Variants in DVL3 observed in about 807,000 individuals in gnomAD.
The protein encoded by DVL3 is dishevelled segment polarity protein 3, also known as segment polarity protein dishevelled homolog DVL-3.
Under a neutral mutation model 67.4 loss-of-function variants are expected in DVL3, and 27 were observed. The ratio of observed to expected loss-of-function variants is 0.40; its 90% CI spans 0.30 to 0.55. The LOEUF (loss-of-function observed/expected upper bound fraction) is 0.55. DVL3 is among the 20% of genes least tolerant of loss of function. The pLI is 0.46. For synonymous variants in DVL3, 369 were observed against 396.8 expected, an observed-to-expected ratio of 0.93 and a Z score of 0.83; for missense variants, 819 against 1,021.5, an observed-to-expected ratio of 0.80 and a Z score of 2.70.
Position 184,164,526 on chromosome 3 carries a change from G to A in DVL3, c.388G>A (p.Asp130Asn), listed in dbSNP as rs768776179. 1 of 1,591,080 alleles carries A rather than the reference G, an allele frequency of 6.3e-7. No individual in the cohort carries two copies. Among genetic ancestry groups the A allele is most frequent in the Non-Finnish European group, 8.6e-7 (1 of 1,169,160 alleles). ...TGGTGGGGGCAGCCAGGAGAACCTGGACAATGACACAGAGACGGACTCTTT... is the reference window on the plus strand; with the variant it reads ...TGGTGGGGGCAGCCAGGAGAACCTGAACAATGACACAGAGACGGACTCTTT... The part of the protein sequence containing the change: ...HAGGGSQENL[D>N]NDTETDSLVS... Residue 130 changes from aspartate (D) to asparagine (N), a missense_variant, in exon 4 of 15, where the codon GAC (aspartate) becomes AAC (asparagine). Asp to Asn is a conservative substitution (Grantham distance 23). This residue lies in a region of DVL3 where 385 missense variants were observed against 486.8 expected (regional missense o/e 0.79). Coordinates refer to ENST00000313143, the MANE Select transcript of DVL3 (RefSeq NM_004423.4). This position sits in a 1 kb window ranked among gnomAD's most constrained non-coding sequence, Gnocchi z 5.3.
In DVL3 at chr3:184,170,247, G is replaced by A. The variant is rs767710596; in HGVS notation, c.1714+26G>A. On this transcript the variant is annotated intron_variant, in intron 14 of 14. Coordinates refer to ENST00000313143, the MANE Select transcript of DVL3 (RefSeq NM_004423.4). The surrounding 1 kb of genome is among the most constrained non-coding windows in gnomAD (Gnocchi z 6.5). Reference sequence around the variant, plus strand: ...GTAAGGTAGAGGGGCCGTGGAGGAAGGCTATAGGTGGGCCCCAGGCTTCCC... The same window carrying A: ...GTAAGGTAGAGGGGCCGTGGAGGAAAGCTATAGGTGGGCCCCAGGCTTCCC... 1 of 1,609,198 alleles carries A rather than the reference G, an allele frequency of 6.2e-7. No homozygotes were observed. Among genetic ancestry groups the A allele is most frequent in the Non-Finnish European group, 8.5e-7 (1 of 1,177,770 alleles).
At chr3:184,158,589 G>C (rs1714276221) in intron 1 of DVL3, among the ~76,000 whole-genome samples, 2 of 152,044 alleles carry the variant, frequency 1.3e-5, no homozygotes, top group African/African-American at 2.4e-5. Flanking sequence ...ACAAGAGGAA[G>C]GTCAGGCGGA....
chr3:184,171,269 A>C lies in DVL3; in HGVS notation c.*514A>C. On this transcript the variant is annotated 3_prime_UTR_variant, in exon 15 of 15. Transcript: ENST00000313143. ...TATATTTGCTTCATCTGCCCCTACTAACCATCCCCCTGCCTGCTGCCTCAG... is the reference window on the plus strand; with the variant it reads ...TATATTTGCTTCATCTGCCCCTACTCACCATCCCCCTGCCTGCTGCCTCAG... 1 of 1,039,408 alleles carries C rather than the reference A, an allele frequency of 9.6e-7. No homozygotes were observed. The highest frequency in any genetic ancestry group is 1.2e-6 in the Non-Finnish European group (1 of 863,850). 64.4% of individuals were successfully genotyped at this position (1,039,408 alleles called of 1,614,324 possible).
Position 184,166,386 on chromosome 3 carries a change from T to TA in DVL3, c.904-60_904-59insA. 1.2e-6 allele frequency: 2 copies of TA among 1,612,092 alleles called. No homozygotes were observed. Among genetic ancestry groups the TA allele is most frequent in the Non-Finnish European group, 1.7e-6 (2 of 1,178,248 alleles). On this transcript the variant is annotated intron_variant, in intron 8 of 14. Transcript: ENST00000313143. This position sits in a 1 kb window ranked among gnomAD's most constrained non-coding sequence, Gnocchi z 6.7. ...GGGAAGACTCCCTGACCTACCAAGT[T>TA]GAGTTCCCTTTTCATCCTCCCCAGC...
Position 184,165,455 on chromosome 3 carries a change from A to C in DVL3, c.727A>C (p.Met243Leu). ...CTTCAGCAGCATCACGGACTCCACC[A>C]TGTCACTCAACATCATCACGGTCAC... ...SSFSSITDST[M>L]SLNIITVTLN... Residue 243 changes from methionine to leucine, a missense_variant, in exon 7 of 15, where the codon ATG becomes CTG. Met to Leu is a conservative substitution (Grantham distance 15, BLOSUM62 2). Coordinates refer to ENST00000313143, the MANE Select transcript of DVL3 (RefSeq NM_004423.4). The surrounding 1 kb of genome is among the most constrained non-coding windows in gnomAD (Gnocchi z 4.1). 6.2e-7 allele frequency: 1 copy of C among 1,614,082 alleles called. No individual in the cohort carries two copies. Among genetic ancestry groups the C allele is most frequent in the Non-Finnish European group, 8.5e-7 (1 of 1,180,016 alleles).
chr3:184,170,291 CCA>C lies in DVL3; in HGVS notation c.1715-26_1715-25del, dbSNP rs1272198843. 6.3e-7 allele frequency: 1 copy of C among 1,590,740 alleles called. No individual in the cohort carries two copies. The highest frequency in any genetic ancestry group is 8.6e-7 in the Non-Finnish European group (1 of 1,168,318). On this transcript the variant is annotated intron_variant, in intron 14 of 14. Transcript: ENST00000313143. This position sits in a 1 kb window ranked among gnomAD's most constrained non-coding sequence, Gnocchi z 6.5. ...GCTTCCCCCGCCCGCTCAGCCTGCCCCACCCCGGCCCTGTTTGCCTCCTACAG... is the reference window on the plus strand; with the variant it reads ...GCTTCCCCCGCCCGCTCAGCCTGCCCCCCCGGCCCTGTTTGCCTCCTACAG...
At position 184,170,640 on chromosome 3, in the gene DVL3, C is replaced by G. The variant is rs1714796167; in HGVS notation, c.2036C>G (p.Pro679Arg). The G allele has an allele frequency of 6.2e-7, 1 of 1,610,940 alleles. No homozygotes were observed. Among genetic ancestry groups the G allele is most frequent in the Admixed American group, 1.7e-5 (1 of 59,782 alleles). Reference protein sequence around the residue: ...MPPPPAAMGPPGAPPGRDLAS... With the variant: ...MPPPPAAMGPRGAPPGRDLAS... ...CCGCCGCCCGCGGCCATGGGGCCCC[C>G]AGGAGCCCCTCCGGGCCGCGACCTG... The change falls in exon 15 of 15, where the codon CCA (proline) becomes CGA (arginine). Residue 679 changes from proline to arginine, a missense_variant. Coordinates refer to ENST00000313143, the MANE Select transcript of DVL3 (RefSeq NM_004423.4). The surrounding 1 kb of genome is among the most constrained non-coding windows in gnomAD (Gnocchi z 6.5).
Position 184,170,442 on chromosome 3 carries a change from TGCGGGGGCC to T in DVL3, c.1844_1852del (p.Gly615_Arg617del). The T allele has an allele frequency of 6.3e-7, 1 of 1,586,336 alleles. No homozygotes were observed. The highest frequency in any genetic ancestry group is 8.6e-7 in the Non-Finnish European group (1 of 1,167,442). Reference sequence around the variant, plus strand: ...TCGGACCACACCACACGCAGCAGCCTGCGGGGGCCGCGGGAGCGGGCGCCCAGCGAGCGC... The same window carrying T: ...TCGGACCACACCACACGCAGCAGCCTGCGGGAGCGGGCGCCCAGCGAGCGC... On this transcript the variant is annotated inframe_deletion, in exon 15 of 15. Coordinates refer to ENST00000313143, the MANE Select transcript of DVL3 (RefSeq NM_004423.4). The surrounding 1 kb of genome is among the most constrained non-coding windows in gnomAD (Gnocchi z 6.5).
Position 184,155,911 on chromosome 3 carries a change from C to T in DVL3, c.161+115C>T, listed in dbSNP as rs1714166819. The T allele has an allele frequency of 7.7e-7, 1 of 1,299,316 alleles. No homozygotes were observed. Among genetic ancestry groups the T allele is most frequent in the Non-Finnish European group, 1.0e-6 (1 of 956,074 alleles). The allele number at this position is 1,299,316 out of a possible 1,614,324, so 80.5% of individuals were successfully genotyped here. A position where few individuals can be genotyped will look rare whatever the true frequency, so the allele number is the denominator to read the frequency against. On this transcript the variant is annotated intron_variant, in intron 1 of 14. Coordinates refer to ENST00000313143, the MANE Select transcript of DVL3 (RefSeq NM_004423.4). This position sits in a 1 kb window ranked among gnomAD's most constrained non-coding sequence, Gnocchi z 5.4. Reference sequence around the variant, plus strand: ...CCGGCTCCTAGCCCCGCTCTGACTTCTAGGGGCGACTCGGCCCATTTGGGC... The same window carrying T: ...CCGGCTCCTAGCCCCGCTCTGACTTTTAGGGGCGACTCGGCCCATTTGGGC...
In DVL3 at chr3:184,164,943, GT is replaced by G. The variant is rs1393841097; in HGVS notation, c.599+15del. ...GACTCCACCAGCAGGTGGGGCTTGA[GT>G]TTCATGGGTATTGTGGGGCAGGTGA... On this transcript the variant is annotated intron_variant, in intron 5 of 14. Coordinates refer to ENST00000313143, the MANE Select transcript of DVL3 (RefSeq NM_004423.4). This position sits in a 1 kb window ranked among gnomAD's most constrained non-coding sequence, Gnocchi z 5.3. 8 of 1,613,984 alleles carry G rather than the reference GT, an allele frequency of 5.0e-6. No homozygotes were observed. The highest frequency in any genetic ancestry group is 6.8e-6 in the Non-Finnish European group (8 of 1,179,992).
In DVL3 at chr3:184,155,863, C is replaced by G; in HGVS notation, c.161+67C>G. ...TCTGGCTTCTAAGGGATGACGCGGT[C>G]CGTTTCGACTTGCCTCGCTACACCG... On this transcript the variant is annotated intron_variant, in intron 1 of 14. Coordinates refer to ENST00000313143, the MANE Select transcript of DVL3 (RefSeq NM_004423.4). The surrounding 1 kb of genome is among the most constrained non-coding windows in gnomAD (Gnocchi z 5.4). 2.0e-6 allele frequency: 3 copies of G among 1,524,654 alleles called. No individual in the cohort carries two copies. The highest frequency in any genetic ancestry group is 2.6e-6 in the Non-Finnish European group (3 of 1,132,222). The allele number at this position is 1,524,654 out of a possible 1,614,324, so 94.4% of individuals were successfully genotyped here.
chr3:184,155,659 C>T lies in DVL3; in HGVS notation c.24C>T (p.Tyr8=), dbSNP rs764147553. The change falls in exon 1 of 15, where the codon TAC becomes TAT. Residue 8 remains tyrosine (Y), a synonymous_variant. Coordinates refer to ENST00000313143, the MANE Select transcript of DVL3 (RefSeq NM_004423.4). This position sits in a 1 kb window ranked among gnomAD's most constrained non-coding sequence, Gnocchi z 5.4. MGETKII[Y]HLDGQETPYL... ...CCATGGGCGAGACCAAGATCATCTA[C>T]CACTTGGATGGGCAGGAGACGCCGT... 3.7e-6 allele frequency: 6 copies of T among 1,605,300 alleles called. No individual in the cohort carries two copies. Among genetic ancestry groups the T allele is most frequent in the Admixed American group, 1.7e-5 (1 of 59,464 alleles).
Position 184,170,017 on chromosome 3 carries a change from C to A in DVL3, c.1510C>A (p.Leu504Met). Reference sequence around the variant, plus strand: ...CCTCCCCTTCACAGACATGGCCAACCTGTCTCTCCACGATCACGATGGCTC... The same window carrying A: ...CCTCCCCTTCACAGACATGGCCAACATGTCTCTCCACGATCACGATGGCTC... The part of the protein sequence containing the change: ...FGDLCGNMAN[L>M]SLHDHDGSSG... The change falls in exon 14 of 15, where the codon CTG (leucine) becomes ATG (methionine). Residue 504 changes from leucine to methionine, a missense_variant. Coordinates refer to ENST00000313143, the MANE Select transcript of DVL3 (RefSeq NM_004423.4). This position sits in a 1 kb window ranked among gnomAD's most constrained non-coding sequence, Gnocchi z 6.5. 1 of 1,606,484 alleles carries A rather than the reference C, an allele frequency of 6.2e-7. No homozygotes were observed. The highest frequency in any genetic ancestry group is 8.5e-7 in the Non-Finnish European group (1 of 1,174,748).
Position 184,167,282 on chromosome 3 carries a change from G to A in DVL3, c.1199-298G>A, listed in dbSNP as rs554825992. Among the ~76,000 whole-genome samples, 3 of 152,254 alleles carry A rather than the reference G, an allele frequency of 2.0e-5. No homozygotes were observed. The East Asian group carries it at 5.8e-4, about 29-fold the overall frequency. The stretch of plus-strand genomic sequence containing the variant: ...GAGGATATAAGTGAAGCACCATTGC[G>A]ATGTGTGGTGTAAAGTAAGCATTCA... On this transcript the variant is annotated intron_variant, in intron 11 of 14. Coordinates refer to ENST00000313143, the MANE Select transcript of DVL3 (RefSeq NM_004423.4). The surrounding 1 kb of genome is among the most constrained non-coding windows in gnomAD (Gnocchi z 4.6).
Position 184,164,825 on chromosome 3 carries a change from G to A in DVL3, c.493G>A (p.Glu165Lys). ...ATRLNGTAKG[E>K]RRREPGGYDS... ...CCGGCTAAATGGAACTGCGAAGGGG[G>A]AACGGCGGCGAGAACCAGGGGGTTA... is the stretch of plus-strand genomic sequence containing the variant. The change falls in exon 5 of 15, where the codon GAA (glutamate) becomes AAA (lysine). Residue 165 changes from glutamate (E) to lysine (K), a missense_variant. Physicochemically the swap from Glu to Lys is moderately conservative, Grantham distance 56. Coordinates refer to ENST00000313143, the MANE Select transcript of DVL3 (RefSeq NM_004423.4). This position sits in a 1 kb window ranked among gnomAD's most constrained non-coding sequence, Gnocchi z 5.3. 6.2e-7 allele frequency: 1 copy of A among 1,614,184 alleles called. No individual in the cohort carries two copies. Among genetic ancestry groups the A allele is most frequent in the Non-Finnish European group, 8.5e-7 (1 of 1,180,028 alleles).
chr3:184,170,616 C>A lies in DVL3; in HGVS notation c.2012C>A (p.Pro671Gln). 1 of 1,608,114 alleles carries A rather than the reference C, an allele frequency of 6.2e-7. No homozygotes were observed. The highest frequency in any genetic ancestry group is 8.5e-7 in the Non-Finnish European group (1 of 1,176,660). Reference protein sequence around the residue: ...LYGPPMLMMPPPPAAMGPPGA... With the variant: ...LYGPPMLMMPQPPAAMGPPGA... ...GGCCCCCCCATGCTGATGATGCCCC[C>A]GCCGCCCGCGGCCATGGGGCCCCCA... Residue 671 changes from proline (P) to glutamine (Q), a missense_variant, in exon 15 of 15, where the codon CCG (proline) becomes CAG (glutamine). By Grantham distance (76) the Pro-to-Gln change is moderately conservative. Transcript: ENST00000313143. This position sits in a 1 kb window ranked among gnomAD's most constrained non-coding sequence, Gnocchi z 6.5.
chr3:184,170,220 A>G lies in DVL3; in HGVS notation c.1713A>G (p.Glu571=). The change falls in exon 14 of 15, where the codon GAA becomes GAG. Residue 571 remains glutamate, a splice_region_variant and synonymous_variant. Transcript: ENST00000313143. This position sits in a 1 kb window ranked among gnomAD's most constrained non-coding sequence, Gnocchi z 6.5. ...GGGSASSQHS[E]GSRSSGSNRS... is the part of the protein sequence containing the mutation. ...GCAGCGCCAGCAGTCAGCACAGCGAAGGTAAGGTAGAGGGGCCGTGGAGGA... is the reference window on the plus strand; with the variant it reads ...GCAGCGCCAGCAGTCAGCACAGCGAGGGTAAGGTAGAGGGGCCGTGGAGGA... 1 of 1,611,918 alleles carries G rather than the reference A, an allele frequency of 6.2e-7. No individual in the cohort carries two copies. Among genetic ancestry groups the G allele is most frequent in the African/African-American group, 1.3e-5 (1 of 75,006 alleles).
chr3:184,166,256 G>A lies in DVL3; in HGVS notation c.894G>A (p.Met298Ile). ...AADGRIEPGDMLLQVNEINFE... is the reference protein window; with the variant it reads ...AADGRIEPGDILLQVNEINFE... ...ATGGACGCATCGAGCCAGGAGATAT[G>A]TTGTTACAGGTATCAGTGCCCATCC... is the stretch of plus-strand genomic sequence containing the variant. The change falls in exon 8 of 15, where the codon ATG becomes ATA. Residue 298 changes from methionine (M) to isoleucine (I), a missense_variant. Coordinates refer to ENST00000313143, the MANE Select transcript of DVL3 (RefSeq NM_004423.4). This position sits in a 1 kb window ranked among gnomAD's most constrained non-coding sequence, Gnocchi z 6.7. 6.2e-7 allele frequency: 1 copy of A among 1,612,766 alleles called. No individual in the cohort carries two copies. Among genetic ancestry groups the A allele is most frequent in the Non-Finnish European group, 8.5e-7 (1 of 1,179,604 alleles).
chr3:184,167,486 C>A lies in DVL3; in HGVS notation c.1199-94C>A. On this transcript the variant is annotated intron_variant, in intron 11 of 14. Transcript: ENST00000313143. The surrounding 1 kb of genome is among the most constrained non-coding windows in gnomAD (Gnocchi z 4.6). ...ATCAGTAATTTTCCCAGCATTGATC[C>A]CATAATTACTAGATGGTAGAGCTAG... is the stretch of plus-strand genomic sequence containing the variant. 1 of 1,226,438 alleles carries A rather than the reference C, an allele frequency of 8.2e-7. No homozygotes were observed. The highest frequency in any genetic ancestry group is 1.3e-5 in the South Asian group (1 of 75,718). 76.0% of individuals were successfully genotyped at this position (1,226,438 alleles called of 1,614,324 possible).
Sources: gnomAD v4.1 joint callset for allele counts (sites outside exome capture counted in the v4.1 genomes callset) on GRCh38, gnomAD v4.1.1 for gene constraint, gnomAD v4.1.1 regional missense constraint, Gnocchi (gnomAD v3.1) non-coding constraint, MANE v1.5 for transcripts, NCBI Gene and HGNC (gene_info 2026-07-23, HGNC 2026-07-21) for gene names.